RUFY3: variants seen among roughly 807,000 people sequenced by gnomAD.
RUFY3 encodes the protein protein RUFY3.
RUFY3 carries 34 observed loss-of-function variants against 84.0 expected under a neutral mutation model. That is an observed-to-expected ratio of 0.40 (90% CI 0.31 to 0.54). RUFY3 has a LOEUF of 0.54. RUFY3 is among the 20% of genes least tolerant of loss of function. The pLI, the probability that RUFY3 is intolerant of heterozygous loss-of-function variation, is 0.39. For missense variants in RUFY3, 507 were observed against 736.8 expected, an observed-to-expected ratio of 0.69 and a Z score of 3.61; for synonymous variants, 242 against 252.9, an observed-to-expected ratio of 0.96 and a Z score of 0.41.
At chr4:70,725,418 C>T (rs1718070982) in intron 1 of RUFY3, among the ~76,000 whole-genome samples, 1 of 151,754 alleles carries the variant, frequency 6.6e-6, no homozygotes, top group Non-Finnish European at 1.5e-5. Flanking sequence ...GAAAACTCTG[C>T]CTACCGGGTT....
intron 2 of RUFY3, 79 bp from the exon 3 acceptor site, chr4:70,763,469 TTGTG>T: frequency 1.1e-6 from 1 of 938,854 alleles, no homozygotes. Context: ...TCCTGAAAAG[TTGTG>T]TGTGTATGTG....
At chr4:70,764,672 C>T in intron 4 of RUFY3, 96 bp downstream of exon 4, 1 of 676,836 alleles carries the variant, frequency 1.5e-6, no homozygotes, top group South Asian at 1.9e-5. Flanking sequence ...AGATCAGAAA[C>T]ATTTGATTCA....
At chr4:70,765,641 G>A (rs1361505313) in intron 4 of RUFY3, among the ~76,000 whole-genome samples, 1 of 152,086 alleles carries the variant, frequency 6.6e-6, no homozygotes, top group African/African-American at 2.4e-5. Context: ...GTTCTACTCA[G>A]TTTCCTTCAG....
At chr4:70,792,055 G>A (rs4392478) in intron 12 of RUFY3, 985,082 of 985,740 alleles carry the variant, frequency 1, 492,214 homozygotes, top group East Asian at 1. Context: ...TACCTCTGCC[G>A]TTTTCCTGCA....
intron 5 of RUFY3, among the ~76,000 whole-genome samples, chr4:70,772,942 A>T (rs75235200): frequency 0.07 from 10,692 of 152,260 alleles, 587 homozygotes; most frequent in East Asian, 0.2. Context: ...ATTATAGGCA[A>T]GAGCCACTGC....
At position 70,793,846 on chromosome 4, in the gene RUFY3, G is replaced by A; in HGVS notation, c.1399G>A (p.Asp467Asn). The change falls in exon 13 of 18, where the codon GAC becomes AAC. Residue 467 changes from aspartate to asparagine, a missense_variant. Asp to Asn is a conservative substitution (Grantham distance 23). Around this residue, in one of 4 missense-constraint regions of RUFY3, gnomAD observed 334 missense variants for 364.1 expected, o/e 0.92. Coordinates refer to ENST00000381006, the MANE Select transcript of RUFY3 (RefSeq NM_001037442.4). ...GTTGGACAACCGGCTCTTCAAACAGGACTTTGGAGACAAGATCAACAGTCT... is the reference window on the plus strand; with the variant it reads ...GTTGGACAACCGGCTCTTCAAACAGAACTTTGGAGACAAGATCAACAGTCT... Reference protein sequence around the residue: ...AELDNRLFKQDFGDKINSLQL... With the variant: ...AELDNRLFKQNFGDKINSLQL... 6.2e-7 allele frequency: 1 copy of A among 1,614,132 alleles called. No individual in the cohort carries two copies. The highest frequency in any genetic ancestry group is 8.5e-7 in the Non-Finnish European group (1 of 1,180,038).
chr4:70,762,132 A>C (rs563204785), intron 1 of RUFY3, among the ~76,000 whole-genome samples: 1 of 152,226 alleles, frequency 6.6e-6, no homozygotes. Flanking sequence ...CCTGGGCAAC[A>C]AAGTGAGACC....
At chr4:70,709,838 C>G (rs1740763761) in intron 1 of RUFY3, among the ~76,000 whole-genome samples, 1 of 152,236 alleles carries the variant, frequency 6.6e-6, no homozygotes, top group Non-Finnish European at 1.5e-5. Context: ...CACATCCTTG[C>G]CCTTGTCTTT....
chr4:70,705,662 C>T (rs1257242917), intron 1 of RUFY3, among the ~76,000 whole-genome samples: 1 of 152,186 alleles, frequency 6.6e-6, no homozygotes, highest in East Asian at 1.9e-4. Flanking sequence ...GGCCCTGTCC[C>T]GGGTCCCGGG....
intron 4 of RUFY3, among the ~76,000 whole-genome samples, chr4:70,764,938 C>T (rs1216059283): frequency 6.6e-6 from 1 of 152,088 alleles, no homozygotes; most frequent in Non-Finnish European, 1.5e-5. Context: ...GTAATCCCAG[C>T]ATTTCGGGAG....
At chr4:70,796,112 T>G (rs1199376144) in intron 14 of RUFY3, among the ~76,000 whole-genome samples, 1 of 152,148 alleles carries the variant, frequency 6.6e-6, no homozygotes, top group Admixed American at 6.5e-5. Context: ...GGCATGAGAA[T>G]CACTTGAACC....
At chr4:70,757,515 A>G (rs1724233984) in intron 1 of RUFY3, among the ~76,000 whole-genome samples, 1 of 152,050 alleles carries the variant, frequency 6.6e-6, no homozygotes. Context: ...GAGACAGGAA[A>G]ATCACTTGAA....
intron 1 of RUFY3, chr4:70,741,641 T>A: frequency 6.6e-7 from 1 of 1,523,788 alleles, no homozygotes; most frequent in Non-Finnish European, 8.8e-7. Context: ...TTGGGAGGAT[T>A]TGACAGATTT....
At chr4:70,800,298 C>A in intron 15 of RUFY3, 93 bp downstream of exon 15, 1 of 815,470 alleles carries the variant, frequency 1.2e-6, no homozygotes, top group Non-Finnish European at 1.9e-6. Flanking sequence ...TTGACACCGA[C>A]CAGACACTGA....
rs144756216 is a variant in RUFY3, at chr4:70,797,269, A to T, written c.1557+2375A>T. 2.0e-3 allele frequency among the ~76,000 whole-genome samples: 305 copies of T among 152,214 alleles called. 1 individual carries two copies. Among genetic ancestry groups the T allele is most frequent in the African/African-American group, 7.0e-3 (292 of 41,550 alleles). On this transcript the variant is annotated intron_variant, in intron 14 of 17. Transcript: ENST00000381006. Reference sequence around the variant, plus strand: ...GGGGTTCTTTTCAAACTGATGTCTTATCCTTTTTAGTGACTCAAACCAAAT... The same window carrying T: ...GGGGTTCTTTTCAAACTGATGTCTTTTCCTTTTTAGTGACTCAAACCAAAT...
chr4:70,795,175 G>A (rs904126853), intron 14 of RUFY3, among the ~76,000 whole-genome samples: 1 of 151,982 alleles, frequency 6.6e-6, no homozygotes, highest in African/African-American at 2.4e-5. Context: ...GATTATTTTG[G>A]TGTCTTAACA....
intron 4 of RUFY3, 36 bp downstream of exon 4, chr4:70,764,612 G>A (rs1049125630): frequency 7.8e-7 from 1 of 1,275,708 alleles, no homozygotes; most frequent in African/African-American, 1.5e-5. Context: ...TCTTTCCTTG[G>A]TATGTTCTAC....
chr4:70,783,945 A>G (rs1390920704), intron 9 of RUFY3, among the ~76,000 whole-genome samples: 4 of 152,230 alleles, frequency 2.6e-5, no homozygotes, highest in Non-Finnish European at 5.9e-5. Context: ...TCATGCTTCT[A>G]ATCTACTCTC....
chr4:70,733,458 T>G (rs1212104779), intron 1 of RUFY3, among the ~76,000 whole-genome samples: 1 of 152,124 alleles, frequency 6.6e-6, no homozygotes, highest in African/African-American at 2.4e-5. Flanking sequence ...CCTTAAAAAA[T>G]TAATTCTCAG....
Sources: allele counts gnomAD v4.1 joint callset (sites outside exome capture counted in the v4.1 genomes callset), GRCh38; gene constraint gnomAD v4.1.1; regional missense constraint gnomAD v4.1.1; transcripts MANE v1.5; gene names NCBI Gene and HGNC (gene_info 2026-07-23, HGNC 2026-07-21).